Variants in TSPAN14 observed in about 807,000 individuals in gnomAD.
The protein encoded by TSPAN14 is tetraspanin-14.
TSPAN14 carries 16 observed loss-of-function variants against 36.6 expected under a neutral mutation model. The ratio of observed to expected loss-of-function variants is 0.44; its 90% CI spans 0.30 to 0.66. The LOEUF (loss-of-function observed/expected upper bound fraction) is 0.66. Ranked by LOEUF, TSPAN14 falls within the 30% of genes least tolerant of loss-of-function variation. The pLI is 0.12. For synonymous variants in TSPAN14, 139 were observed against 143.8 expected, an observed-to-expected ratio of 0.97 and a Z score of 0.24; for missense variants, 231 against 355.1, an observed-to-expected ratio of 0.65 and a Z score of 2.81.
intron 1 of TSPAN14, among the ~76,000 whole-genome samples, chr10:80,456,329 A>G (rs1845733968): frequency 1.3e-5 from 2 of 152,316 alleles, no homozygotes; most frequent in Middle Eastern, 3.4e-3. Flanking sequence ...ATGGAGCTGC[A>G]GAATGGTTGG....
intron 2 of TSPAN14, among the ~76,000 whole-genome samples, chr10:80,496,782 G>C (rs187885664): frequency 0.013 from 2,038 of 151,816 alleles, 35 homozygotes; most frequent in African/African-American, 0.045. Context: ...TTCTAATATT[G>C]TAGTTTCTAT....
chr10:80,518,340 G>A, exon 9 of TSPAN14: 1 of 287,986 alleles, frequency 3.5e-6, no homozygotes, highest in Non-Finnish European at 6.7e-6. Flanking sequence ...CCTCTCCACT[G>A]GCATCCAGAC....
At chr10:80,512,357 C>T in intron 6 of TSPAN14, 88 bp downstream of exon 6, 1 of 1,541,732 alleles carries the variant, frequency 6.5e-7, no homozygotes, top group Non-Finnish European at 8.7e-7. Flanking sequence ...TAGGATACTT[C>T]TCTGTCATGG....
intron 1 of TSPAN14, among the ~76,000 whole-genome samples, chr10:80,476,124 C>G (rs1846869068): frequency 6.6e-6 from 1 of 152,154 alleles, no homozygotes; most frequent in Non-Finnish European, 1.5e-5. Context: ...ATAATACAAG[C>G]ATGTTGGGAG....
At chr10:80,479,406 TA>T (rs1407082392) in intron 1 of TSPAN14, among the ~76,000 whole-genome samples, 1 of 152,142 alleles carries the variant, frequency 6.6e-6, no homozygotes, top group Non-Finnish European at 1.5e-5. Flanking sequence ...GGTTTTCTTC[TA>T]GGGTTTTTAT....
rs971946745 is a variant in TSPAN14 at position 80,463,607 on chromosome 10, C to T, written c.-18+9236C>T. Reference sequence around the variant, plus strand: ...AACAGCAGTGCATGATTCTGCTGCACAGTGAATGATGACTCACTTTACCAG... The same window carrying T: ...AACAGCAGTGCATGATTCTGCTGCATAGTGAATGATGACTCACTTTACCAG... On this transcript the variant is annotated intron_variant, in intron 1 of 8. Coordinates refer to ENST00000429989, the Ensembl canonical transcript of TSPAN14. Among the ~76,000 whole-genome samples the T allele has an allele frequency of 2.0e-5, 3 of 152,178 alleles. No homozygotes were observed. In the East Asian group the frequency reaches 5.8e-4, roughly 29 times the overall value.
chr10:80,495,068 A>T (rs1411600191), intron 2 of TSPAN14, among the ~76,000 whole-genome samples: 1 of 152,160 alleles, frequency 6.6e-6, no homozygotes, highest in Non-Finnish European at 1.5e-5. Context: ...TTATCTTTCC[A>T]ATTGTATTTT....
chr10:80,506,848 T>G (rs926398675), intron 3 of TSPAN14, among the ~76,000 whole-genome samples: 4 of 152,236 alleles, frequency 2.6e-5, no homozygotes, highest in Non-Finnish European at 5.9e-5. Context: ...TGTTCTTCAT[T>G]AATTAGGTGC....
chr10:80,513,932 T>C (rs1840791567), intron 6 of TSPAN14, 87 bp from the exon 7 acceptor site: 1 of 1,103,724 alleles, frequency 9.1e-7, no homozygotes. Flanking sequence ...AAATGTTTGC[T>C]AGTGTTTGGT....
At chr10:80,488,404 T>TA (rs1348808454) in intron 1 of TSPAN14, among the ~76,000 whole-genome samples, 1 of 152,084 alleles carries the variant, frequency 6.6e-6, no homozygotes, top group East Asian at 1.9e-4. Flanking sequence ...TAGACACAGA[T>TA]AAAAAACAGT....
intron 1 of TSPAN14, among the ~76,000 whole-genome samples, chr10:80,483,597 C>CA (rs1304131056): frequency 1.3e-5 from 2 of 151,972 alleles, no homozygotes; most frequent in Non-Finnish European, 2.9e-5. Context: ...ATAGTGGTGG[C>CA]AATTTTGTTA....
chr10:80,520,550 T>C (rs202168846), exon 9 of TSPAN14: 42 of 504,868 alleles, frequency 8.3e-5, no homozygotes, highest in Non-Finnish European at 1.6e-4. Flanking sequence ...ATGCTAACTT[T>C]AAAGCCTTGG....
intron 1 of TSPAN14, among the ~76,000 whole-genome samples, chr10:80,476,413 T>G (rs78307533): frequency 9.9e-4 from 72 of 72,818 alleles, no homozygotes; most frequent in Middle Eastern, 6.1e-3. Flanking sequence ...TTTACTGTTT[T>G]TTTTTTTTTT....
At chr10:80,519,062 C>G (rs1372775411) in exon 9 of TSPAN14, 1 of 152,810 alleles carries the variant, frequency 6.5e-6, no homozygotes, top group Non-Finnish European at 1.5e-5. Context: ...CCACTGCAAG[C>G]CCAGGGAGCC....
chr10:80,493,597 CA>C (rs1241259291), intron 2 of TSPAN14, among the ~76,000 whole-genome samples: 1 of 152,222 alleles, frequency 6.6e-6, no homozygotes, highest in Non-Finnish European at 1.5e-5. Context: ...TCACATGCTA[CA>C]GCATGGGTAA....
At chr10:80,462,994 A>G (rs1846060027) in intron 1 of TSPAN14, 1 of 152,206 alleles carries the variant, frequency 6.6e-6, no homozygotes, top group Non-Finnish European at 1.5e-5. Context: ...TTACAGATTT[A>G]TCATGAAGTG....
In TSPAN14 at chr10:80,509,721, C is replaced by T. The variant is rs1840509628; in HGVS notation, c.450+250C>T. 2.1e-6 allele frequency: 1 copy of T among 485,060 alleles called. No homozygotes were observed. Among genetic ancestry groups the T allele is most frequent in the Non-Finnish European group, 3.7e-6 (1 of 269,808 alleles). The allele number at this position is 485,060 out of a possible 1,614,324, so 30.0% of individuals were successfully genotyped here. A position where few individuals can be genotyped will look rare whatever the true frequency, so the allele number is the denominator to read the frequency against. On this transcript the variant is annotated intron_variant, in intron 5 of 8. Transcript: ENST00000429989. This position sits in a 1 kb window ranked among gnomAD's most constrained non-coding sequence, Gnocchi z 4.7. ...GTCCAGCTGTACCCGAGGCCACCCA[C>T]CCCCCACGTGCCCGGCCCTCCTCTT...
intron 1 of TSPAN14, among the ~76,000 whole-genome samples, chr10:80,476,155 T>A (rs1453100566): frequency 6.6e-6 from 1 of 152,128 alleles, no homozygotes; most frequent in African/African-American, 2.4e-5. Context: ...GCGAATTGCT[T>A]GAGCCCAGGA....
At chr10:80,501,266 A>G (rs2132035690) in intron 2 of TSPAN14, among the ~76,000 whole-genome samples, 1 of 146,448 alleles carries the variant, frequency 6.8e-6, no homozygotes, top group African/African-American at 2.5e-5. Flanking sequence ...TTTTTTTTAC[A>G]GCTAATTTTT....
Sources: gnomAD v4.1 joint callset for allele counts (sites outside exome capture counted in the v4.1 genomes callset) on GRCh38, gnomAD v4.1.1 for gene constraint, Gnocchi (gnomAD v3.1) non-coding constraint, MANE v1.5 for transcripts, NCBI Gene and HGNC (gene_info 2026-07-23, HGNC 2026-07-21) for gene names.